PGLYRP3: variants seen among roughly 807,000 people sequenced by gnomAD.
The protein encoded by PGLYRP3 is peptidoglycan recognition protein I alpha.
Under a neutral mutation model 36.0 loss-of-function variants are expected in PGLYRP3, and 39 were observed. That is an observed-to-expected ratio of 1.08 (90% confidence interval 0.84 to 1.41). The LOEUF (loss-of-function observed/expected upper bound fraction) is 1.41, where lower values mean the gene tolerates loss of function less well. PGLYRP3 is among the 40% of genes most tolerant of loss of function. The pLI, the probability that PGLYRP3 is intolerant of heterozygous loss-of-function variation, is 0.00. For missense variants in PGLYRP3, 407 were observed against 427.9 expected, an observed-to-expected ratio of 0.95 and a Z score of 0.43; for synonymous variants, 204 against 172.8, an observed-to-expected ratio of 1.18 and a Z score of -1.42.
At chr1:153,308,423 C>T (rs1216032509) in intron 2 of PGLYRP3, among the ~76,000 whole-genome samples, 2 of 152,190 alleles carry the variant, frequency 1.3e-5, no homozygotes, top group East Asian at 3.9e-4. Flanking sequence ...CCTCCCCACC[C>T]CTTTGACTTT....
Position 153,302,466 on chromosome 1 carries a change from A to G in PGLYRP3, c.671T>C (p.Val224Ala). Residue 224 changes from valine to alanine, a missense_variant, in exon 6 of 8, where the codon GTC (valine) becomes GCC (alanine). By Grantham distance (64) the Val-to-Ala change is moderately conservative (BLOSUM62 0). Transcript: ENST00000683862. The part of the protein sequence containing the change: ...CTVSTDCQTV[V>A]RNIQSFHMDT... ...CATGTGAAAGGACTGTATGTTTCGG[A>G]CGACAGTCTGGCAGTCTGTGGATAC... 2 of 1,614,194 alleles carry G rather than the reference A, an allele frequency of 1.2e-6. No individual in the cohort carries two copies. Among genetic ancestry groups the G allele is most frequent in the Non-Finnish European group, 1.7e-6 (2 of 1,180,032 alleles).
chr1:153,312,437 A>G (rs1659917330), intron 1 of PGLYRP3, among the ~76,000 whole-genome samples: 1 of 152,244 alleles, frequency 6.6e-6, no homozygotes, highest in Non-Finnish European at 1.5e-5. Flanking sequence ...AGAAAGATCC[A>G]GCAGTGGTGA....
chr1:153,303,734 G>A, intron 5 of PGLYRP3, 123 bp downstream of exon 5: 1 of 1,144,062 alleles, frequency 8.7e-7, no homozygotes, highest in South Asian at 1.8e-5. Context: ...CTCAAAGTAG[G>A]CATGAGATGT....
At chr1:153,301,579 T>C (rs1219190658) in intron 6 of PGLYRP3, among the ~76,000 whole-genome samples, 2 of 152,248 alleles carry the variant, frequency 1.3e-5, no homozygotes, top group African/African-American at 2.4e-5. Flanking sequence ...AGAAAGCCTA[T>C]GGAAAATCCT....
In PGLYRP3 at chr1:153,303,879, T is replaced by C. The variant is rs115222752; in HGVS notation, c.507A>G (p.Gln169=). The change falls in exon 5 of 8, where the codon CAA becomes CAG. Residue 169 remains glutamine (Q), a synonymous_variant. Coordinates refer to ENST00000683862, the MANE Select transcript of PGLYRP3 (RefSeq NM_052891.3). ...LLKEETCLDP[Q]HPVMPRKVCP... ...TACCCTTCCTGGGCATCACTGGATGTTGAGGGTCCAGGCAGGTCTCTTCTT... is the reference window on the plus strand; with the variant it reads ...TACCCTTCCTGGGCATCACTGGATGCTGAGGGTCCAGGCAGGTCTCTTCTT... The C allele has an allele frequency of 1.8e-3, 2,902 of 1,613,568 alleles. 51 individuals are homozygous for C. In the African/African-American group the frequency reaches 0.036, roughly 20 times the overall value.
Position 153,298,084 on chromosome 1 carries a change from A to G in PGLYRP3, c.898T>C (p.Cys300Arg). ...GTCAGGTACCCCTCAACCACGGCAC[A>G]CTGGATCAGGTCCTGGGCCGCCTCC... ...ALEAAQDLIQ[C>R]AVVEGYLTPN... The change falls in exon 8 of 8, where the codon TGT becomes CGT. Residue 300 changes from cysteine (C) to arginine (R), a missense_variant. Coordinates refer to ENST00000683862, the MANE Select transcript of PGLYRP3 (RefSeq NM_052891.3). 1 of 1,614,046 alleles carries G rather than the reference A, an allele frequency of 6.2e-7. No individual in the cohort carries two copies.
intron 3 of PGLYRP3, among the ~76,000 whole-genome samples, chr1:153,305,458 G>A (rs1434925434): frequency 6.6e-6 from 1 of 152,162 alleles, no homozygotes; most frequent in Non-Finnish European, 1.5e-5. Context: ...AGATTCAATA[G>A]TTCCTTTTGT....
chr1:153,299,661 T>C (rs904979852), intron 6 of PGLYRP3, among the ~76,000 whole-genome samples: 2 of 152,132 alleles, frequency 1.3e-5, no homozygotes, highest in African/African-American at 4.8e-5. Flanking sequence ...ATGGTGCTCC[T>C]CCGCACTCTA....
intron 3 of PGLYRP3, among the ~76,000 whole-genome samples, chr1:153,305,495 T>C (rs1659719624): frequency 1.3e-5 from 2 of 152,268 alleles, no homozygotes; most frequent in Non-Finnish European, 2.9e-5. Flanking sequence ...AGATTCTCTT[T>C]AGGAATTTCC....
rs763013298 is a variant in PGLYRP3 at position 153,299,134 on chromosome 1, C to T, written c.826G>A (p.Ala276Thr). Residue 276 changes from alanine (A) to threonine (T), a missense_variant, in exon 7 of 8, where the codon GCC (alanine) becomes ACC (threonine). Transcript: ENST00000683862. ...TTACCTACAAAGTAGCCGATGAAGGCAATTCCTAGGGCAATATCGTTGAAT... is the reference window on the plus strand; with the variant it reads ...TTACCTACAAAGTAGCCGATGAAGGTAATTCCTAGGGCAATATCGTTGAAT... ...YGFNDIALGI[A>T]FIGYFVEKPP... 1.2e-6 allele frequency: 2 copies of T among 1,614,116 alleles called. No homozygotes were observed. Among genetic ancestry groups the T allele is most frequent in the Non-Finnish European group, 1.7e-6 (2 of 1,180,000 alleles).
At chr1:153,312,229 C>T (rs1659911156) in intron 1 of PGLYRP3, among the ~76,000 whole-genome samples, 1 of 152,216 alleles carries the variant, frequency 6.6e-6, no homozygotes, top group South Asian at 2.1e-4. Context: ...CCAATCCACA[C>T]CATGAACTGC....
At chr1:153,301,194 T>G (rs989508528) in intron 6 of PGLYRP3, among the ~76,000 whole-genome samples, 1 of 152,228 alleles carries the variant, frequency 6.6e-6, no homozygotes, top group Non-Finnish European at 1.5e-5. Context: ...ATGCTGAGAT[T>G]ATAGGCATGA....
At chr1:153,300,731 G>A (rs949862392) in intron 6 of PGLYRP3, among the ~76,000 whole-genome samples, 6 of 151,924 alleles carry the variant, frequency 3.9e-5, no homozygotes, top group African/African-American at 7.3e-5. Flanking sequence ...GTCACCTCCC[G>A]CGATAAGTTC....
chr1:153,301,516 G>A (rs1355906928), intron 6 of PGLYRP3, among the ~76,000 whole-genome samples: 1 of 152,206 alleles, frequency 6.6e-6, no homozygotes, highest in East Asian at 1.9e-4. Flanking sequence ...CATTTTCCAT[G>A]TGGAATTTCC....
At chr1:153,302,380 AG>A (rs775141847) in intron 6 of PGLYRP3, 28 bp downstream of exon 6, 50 of 1,606,246 alleles carry the variant, frequency 3.1e-5, no homozygotes, top group Non-Finnish European at 3.8e-5. Flanking sequence ...GAAGAAAAAG[AG>A]GGTTCTTTTG....
intron 2 of PGLYRP3, among the ~76,000 whole-genome samples, chr1:153,307,479 G>A (rs944914335): frequency 6.6e-6 from 1 of 152,082 alleles, no homozygotes; most frequent in Non-Finnish European, 1.5e-5. Flanking sequence ...CTGGGAAGTC[G>A]TGCCGCCTTG....
At chr1:153,310,568 T>G in intron 2 of PGLYRP3, 43 bp downstream of exon 2, 1 of 1,592,300 alleles carries the variant, frequency 6.3e-7, no homozygotes, top group South Asian at 1.1e-5. Flanking sequence ...CGGTCTTCTC[T>G]TGCTCATCAA....
chr1:153,299,632 C>T lies in PGLYRP3; in HGVS notation c.729-401G>A, dbSNP rs76209645. Among the ~76,000 whole-genome samples, 981 of 152,308 alleles carry T rather than the reference C, an allele frequency of 6.4e-3. 14 individuals carry two copies. The highest frequency in any genetic ancestry group is 0.022 in the African/African-American group (934 of 41,556). On this transcript the variant is annotated intron_variant, in intron 6 of 7. Coordinates refer to ENST00000683862, the MANE Select transcript of PGLYRP3 (RefSeq NM_052891.3). ...GCTCCCTCAGGCCCCTCTCCCACCC[C>T]ACCTTACCTTCCTCAAACATGGTGC...
Position 153,307,186 on chromosome 1 carries a change from T to C in PGLYRP3, c.137A>G (p.Tyr46Cys). The change falls in exon 3 of 8, where the codon TAC (tyrosine) becomes TGC (cysteine). Residue 46 changes from tyrosine to cysteine, a missense_variant. Coordinates refer to ENST00000683862, the MANE Select transcript of PGLYRP3 (RefSeq NM_052891.3). ...CCCTGGGAGCTGGTCTGTGATGATG[T>C]AGGCCACAGGCAGGGTCAGCAGGGC... is the stretch of plus-strand genomic sequence containing the variant. Reference protein sequence around the residue: ...CRALLTLPVAYIITDQLPGMQ... With the variant: ...CRALLTLPVACIITDQLPGMQ... The C allele has an allele frequency of 1.2e-6, 2 of 1,612,408 alleles. No homozygotes were observed. Among genetic ancestry groups the C allele is most frequent in the Non-Finnish European group, 1.7e-6 (2 of 1,179,332 alleles).
Sources: gnomAD v4.1 joint callset for allele counts (sites outside exome capture counted in the v4.1 genomes callset) on GRCh38, gnomAD v4.1.1 for gene constraint, MANE v1.5 for transcripts, NCBI Gene and HGNC (gene_info 2026-07-23, HGNC 2026-07-21) for gene names.